The following LURAP1L variants were observed in gnomAD, a reference collection of about 807,000 sequenced individuals.
LURAP1L encodes leucine rich adaptor protein 1-like.
LURAP1L carries 12 observed loss-of-function variants against 13.8 expected under a neutral mutation model. The observed-to-expected ratio is 0.87, with a 90% CI of 0.56 to 1.41. The LOEUF is 1.41. LURAP1L is among the 40% of genes most tolerant of loss of function. The pLI is 0.00. For synonymous variants in LURAP1L, 139 were observed against 119.2 expected (o/e 1.17, Z -1.08); for missense variants, 375 against 292.9 (o/e 1.28, Z -2.04).
chr9:12,807,228 T>G (rs1407033099), intron 1 of LURAP1L, among the ~76,000 whole-genome samples: 4 of 151,174 alleles, frequency 2.6e-5, no homozygotes, highest in Non-Finnish European at 5.9e-5. Context: ...ATCGTGCCAC[T>G]GCACTCCAGC....
rs1179630141 is a variant in LURAP1L, at chr9:12,821,624, A to G, written c.551A>G (p.Asp184Gly). The G allele has an allele frequency of 6.2e-7, 1 of 1,614,176 alleles. No individual in the cohort carries two copies. Residue 184 changes from aspartate (D) to glycine (G), a missense_variant, in exon 2 of 2, where the codon GAC becomes GGC. By Grantham distance (94) the Asp-to-Gly change is moderately conservative. Coordinates refer to ENST00000319264, the MANE Select transcript of LURAP1L (RefSeq NM_203403.2). ...LDGISVGSYL[D>G]TLADDVPGHQ... ...GGCATTTCCGTGGGAAGTTATCTGG[A>G]CACGTTGGCGGATGATGTCCCAGGC...
At chr9:12,781,743 T>A (rs114113988) in intron 1 of LURAP1L, among the ~76,000 whole-genome samples, 1 of 152,192 alleles carries the variant, frequency 6.6e-6, no homozygotes. Context: ...CTATTTGATA[T>A]ATTGATTTCC....
chr9:12,799,699 T>C (rs1411012416), intron 1 of LURAP1L, among the ~76,000 whole-genome samples: 1 of 151,972 alleles, frequency 6.6e-6, no homozygotes, highest in African/African-American at 2.4e-5. Flanking sequence ...GCTAACATGG[T>C]GAAACCTCAT....
chr9:12,775,729 C>T lies in LURAP1L; in HGVS notation c.14C>T (p.Pro5Leu). Residue 5 changes from proline (P) to leucine (L), a missense_variant, in exon 1 of 2, where the codon CCG becomes CTG. Physicochemically the swap from Pro to Leu is moderately conservative, Grantham distance 98. Coordinates refer to ENST00000319264, the MANE Select transcript of LURAP1L (RefSeq NM_203403.2). MEDS[P>L]LPDLRDIELK... is the part of the protein sequence containing the mutation. ...TCCGGAAAAGTCATGGAAGACAGCC[C>T]GCTGCCAGACCTCAGAGACATCGAG... is the stretch of plus-strand genomic sequence containing the variant. 1 of 1,581,094 alleles carries T rather than the reference C, an allele frequency of 6.3e-7. No homozygotes were observed. Among genetic ancestry groups the T allele is most frequent in the Non-Finnish European group, 8.6e-7 (1 of 1,168,406 alleles).
chr9:12,783,944 C>T (rs1819312738), intron 1 of LURAP1L, among the ~76,000 whole-genome samples: 1 of 151,298 alleles, frequency 6.6e-6, no homozygotes. Context: ...CTTTCTTCTC[C>T]TTGATCAGTT....
intron 1 of LURAP1L, chr9:12,814,316 C>A (rs772706429): frequency 6.6e-6 from 1 of 152,180 alleles, no homozygotes; most frequent in Admixed American, 6.5e-5. Flanking sequence ...AAACACTTCT[C>A]TGGTCTGTGT....
At position 12,821,778 on chromosome 9, in the gene LURAP1L, G is replaced by C; in HGVS notation, c.*18G>C. On this transcript the variant is annotated 3_prime_UTR_variant, in exon 2 of 2. Coordinates refer to ENST00000319264, the MANE Select transcript of LURAP1L (RefSeq NM_203403.2). ...TTGGCTAGTGACAGTTTTTTGCATG[G>C]GACTGGTGTGCAATGAACTTGTATT... 1 of 1,598,694 alleles carries C rather than the reference G, an allele frequency of 6.3e-7. No homozygotes were observed. The highest frequency in any genetic ancestry group is 8.6e-7 in the Non-Finnish European group (1 of 1,169,180).
chr9:12,786,575 T>TATATATATATATAC lies in LURAP1L; in HGVS notation c.312+10555_312+10556insTATATACATATATA, dbSNP rs1409561310. On this transcript the variant is annotated intron_variant, in intron 1 of 1. Coordinates refer to ENST00000319264, the MANE Select transcript of LURAP1L (RefSeq NM_203403.2). ...ATATATATATATATATATATATATA[T>TATATATATATATAC]ATATATAAACCCTTGTGCCTTAAGT... Among the ~76,000 whole-genome samples the TATATATATATATAC allele has an allele frequency of 2.5e-3, 325 of 128,658 alleles. 2 individuals are homozygous for TATATATATATATAC. Among genetic ancestry groups the TATATATATATATAC allele is most frequent in the Non-Finnish European group, 4.9e-3 (292 of 59,714 alleles). The allele number at this position is 128,658 out of a possible 152,430, so 84.4% of individuals were successfully genotyped here. A position where few individuals can be genotyped will look rare whatever the true frequency, so the allele number is the denominator to read the frequency against.
intron 1 of LURAP1L, among the ~76,000 whole-genome samples, chr9:12,785,413 C>T (rs1194542425): frequency 6.6e-6 from 1 of 152,054 alleles, no homozygotes; most frequent in African/African-American, 2.4e-5. Flanking sequence ...GCTCTGAGCC[C>T]AGCACAGTAC....
chr9:12,777,635 G>A (rs770792759), intron 1 of LURAP1L: 90 of 928,738 alleles, frequency 9.7e-5, no homozygotes, highest in Non-Finnish European at 1.2e-4. Context: ...TCATTTTGCT[G>A]GACACTCAGA....
intron 1 of LURAP1L, among the ~76,000 whole-genome samples, chr9:12,809,952 G>T (rs149795186): frequency 6.6e-6 from 1 of 152,106 alleles, no homozygotes; most frequent in Non-Finnish European, 1.5e-5. Flanking sequence ...TGATGTGGTC[G>T]CAAGGTGTGG....
chr9:12,803,802 T>C (rs1819619313), intron 1 of LURAP1L, among the ~76,000 whole-genome samples: 1 of 152,210 alleles, frequency 6.6e-6, no homozygotes. Flanking sequence ...CTTTAATTTC[T>C]ACAGACTAGA....
chr9:12,802,304 G>T (rs779523334), intron 1 of LURAP1L, among the ~76,000 whole-genome samples: 1 of 152,128 alleles, frequency 6.6e-6, no homozygotes, highest in Admixed American at 6.5e-5. Flanking sequence ...CATCCCCAGT[G>T]GTGGAGGTTG....
At chr9:12,776,964 A>G (rs1293667988) in intron 1 of LURAP1L, among the ~76,000 whole-genome samples, 1 of 152,212 alleles carries the variant, frequency 6.6e-6, no homozygotes, top group Admixed American at 6.5e-5. Flanking sequence ...GTCCTTTGAA[A>G]AAAACGACCA....
In LURAP1L at chr9:12,803,678, G is replaced by C. The variant is rs182981396; in HGVS notation, c.313-17708G>C. Among the ~76,000 whole-genome samples the C allele has an allele frequency of 2.8e-4, 42 of 152,270 alleles. No homozygotes were observed. The South Asian group carries it at 5.0e-3, about 18-fold the overall frequency. On this transcript the variant is annotated intron_variant, in intron 1 of 1. Coordinates refer to ENST00000319264, the MANE Select transcript of LURAP1L (RefSeq NM_203403.2). ...AAAATTCTAGGAGAATACTAAATTA[G>C]AAAAGGAAATTGATATTTTAGGCAA...
chr9:12,788,627 T>A (rs1819396370), intron 1 of LURAP1L, among the ~76,000 whole-genome samples: 1 of 152,020 alleles, frequency 6.6e-6, no homozygotes, highest in Non-Finnish European at 1.5e-5. Flanking sequence ...GCTATTAAAA[T>A]TATGTTGTAA....
At chr9:12,809,908 G>A (rs1391155157) in intron 1 of LURAP1L, among the ~76,000 whole-genome samples, 1 of 152,036 alleles carries the variant, frequency 6.6e-6, no homozygotes, top group East Asian at 1.9e-4. Flanking sequence ...AGTTCTTTTT[G>A]CTGTAATCCC....
At chr9:12,777,738 T>C (rs1297167089) in intron 1 of LURAP1L, 1 of 240,288 alleles carries the variant, frequency 4.2e-6, no homozygotes, top group Non-Finnish European at 6.7e-6. Context: ...TTGGTATGTA[T>C]GTGAAGATCA....
intron 1 of LURAP1L, among the ~76,000 whole-genome samples, chr9:12,808,170 AT>A (rs886869791): frequency 1.7e-3 from 253 of 151,498 alleles, no homozygotes; most frequent in African/African-American, 5.8e-3. Context: ...ATGCTCTTCC[AT>A]TTTTTTTAAT....
Sources: allele counts gnomAD v4.1 joint callset (sites outside exome capture counted in the v4.1 genomes callset), GRCh38; gene constraint gnomAD v4.1.1; transcripts MANE v1.5; gene names NCBI Gene and HGNC (gene_info 2026-07-23, HGNC 2026-07-21).